The following TMPRSS7 variants were observed in gnomAD, a reference collection of about 807,000 sequenced individuals.
The protein encoded by TMPRSS7 is transmembrane serine protease 7.
In TMPRSS7, 81 loss-of-function variants were observed where a neutral mutation model predicts 95.6. That is an observed-to-expected ratio of 0.85 (90% CI 0.71 to 1.02). The LOEUF (loss-of-function observed/expected upper bound fraction) is 1.02, where lower values mean the gene tolerates loss of function less well. TMPRSS7 is among the 50% of genes least tolerant of loss of function. The pLI is 0.00. For missense variants in TMPRSS7, 945 were observed against 955.2 expected (o/e 0.99, Z 0.14); for synonymous variants, 364 against 337.8 (o/e 1.08, Z -0.85).
At chr3:112,080,787 A>G (rs2107767310) in intron 17 of TMPRSS7, 127 bp from the exon 18 acceptor site, 1 of 821,758 alleles carries the variant, frequency 1.2e-6, no homozygotes, top group East Asian at 2.9e-5. Flanking sequence ...CCCAAATTAC[A>G]GAGTGATTAG....
chr3:112,062,419 C>T lies in TMPRSS7; in HGVS notation c.1447+496C>T, dbSNP rs573511447. Among the ~76,000 whole-genome samples, 13 of 152,184 alleles carry T rather than the reference C, an allele frequency of 8.5e-5. No homozygotes were observed. The South Asian group carries it at 1.5e-3, about 17-fold the overall frequency. On this transcript the variant is annotated intron_variant, in intron 11 of 17. Coordinates refer to ENST00000452346, the Ensembl canonical transcript of TMPRSS7. ...TTCATACTGAAAACTACTGGAAGAG[C>T]GGCCAGGAAGTGCTCATCAGAAAAG...
At chr3:112,045,974 C>T in intron 5 of TMPRSS7, 31 bp downstream of exon 5, 1 of 1,520,392 alleles carries the variant, frequency 6.6e-7, no homozygotes, top group East Asian at 2.5e-5. Context: ...CTTTAGCATT[C>T]CTTCCTGCAG....
intron 10 of TMPRSS7, among the ~76,000 whole-genome samples, chr3:112,058,316 G>A (rs1048864286): frequency 1.3e-5 from 2 of 152,144 alleles, no homozygotes; most frequent in Admixed American, 1.3e-4. Flanking sequence ...TATTGTTTTG[G>A]GGAGTGTAAT....
chr3:112,079,350 C>T (rs2073750730), intron 17 of TMPRSS7, among the ~76,000 whole-genome samples: 1 of 152,144 alleles, frequency 6.6e-6, no homozygotes, highest in African/African-American at 2.4e-5. Context: ...TTTGGGGTGA[C>T]ATTTCTCGGA....
chr3:112,066,561 C>T (rs1343598918), intron 13 of TMPRSS7, 59 bp downstream of exon 13: 2 of 1,487,008 alleles, frequency 1.3e-6, no homozygotes, highest in South Asian at 1.1e-5. Context: ...TAAATCAGGA[C>T]AAAAATACCT....
At chr3:112,040,246 AC>A (rs1350540645) in intron 2 of TMPRSS7, among the ~76,000 whole-genome samples, 2 of 152,220 alleles carry the variant, frequency 1.3e-5, no homozygotes, top group African/African-American at 4.8e-5. Flanking sequence ...GGCATCAAAC[AC>A]ACCACGATGC....
At chr3:112,080,682 C>T (rs993755766) in intron 17 of TMPRSS7, among the ~76,000 whole-genome samples, 4 of 152,068 alleles carry the variant, frequency 2.6e-5, no homozygotes, top group Admixed American at 6.6e-5. Flanking sequence ...TATTCTTAGC[C>T]TAAAGAATCA....
chr3:112,038,040 T>G, intron 1 of TMPRSS7, 32 bp from the exon 2 acceptor site: 1 of 699,754 alleles, frequency 1.4e-6, no homozygotes. Flanking sequence ...CTACTTCTAC[T>G]TGGTAACATA....
exon 5 of TMPRSS7, chr3:112,045,879 A>C: frequency 6.4e-7 from 1 of 1,551,904 alleles, no homozygotes; most frequent in Non-Finnish European, 8.7e-7. Context: ...CAAGCATCAT[A>C]AACCGGACCT....
chr3:112,043,797 G>A (rs999606509), intron 3 of TMPRSS7, among the ~76,000 whole-genome samples: 7 of 152,146 alleles, frequency 4.6e-5, no homozygotes, highest in African/African-American at 1.7e-4. Context: ...GAAGGGGGCT[G>A]GTAGACCTGG....
At chr3:112,052,132 G>A (rs887637057) in intron 9 of TMPRSS7, among the ~76,000 whole-genome samples, 1 of 152,034 alleles carries the variant, frequency 6.6e-6, no homozygotes, top group Non-Finnish European at 1.5e-5. Flanking sequence ...GAAAAATAAA[G>A]CAGGGAAGGG....
intron 7 of TMPRSS7, among the ~76,000 whole-genome samples, 168 bp downstream of exon 7, chr3:112,048,135 C>T (rs1340844125): frequency 6.6e-6 from 1 of 152,130 alleles, no homozygotes; most frequent in East Asian, 1.9e-4. Flanking sequence ...TTAGTACCCT[C>T]GCCAGAGCCT....
At chr3:112,043,479 A>G (rs1178192058) in intron 3 of TMPRSS7, among the ~76,000 whole-genome samples, 2 of 152,198 alleles carry the variant, frequency 1.3e-5, no homozygotes, top group Non-Finnish European at 2.9e-5. Flanking sequence ...CTGCCTAAAC[A>G]GGTTTAGGCA....
Position 112,044,331 on chromosome 3 carries a change from T to G in TMPRSS7, c.497+9T>G. 6.5e-7 allele frequency: 1 copy of G among 1,549,522 alleles called. No individual in the cohort carries two copies. The highest frequency in any genetic ancestry group is 1.2e-5 in the South Asian group (1 of 84,018). On this transcript the variant is annotated intron_variant, in intron 4 of 17. Transcript: ENST00000452346. ...GTTGTTGCAGATGTCAGGTAATGCA[T>G]GTCCCTTGTTTTGAGATTTCTGTGT...
At chr3:112,064,260 G>A (rs992019156) in intron 12 of TMPRSS7, among the ~76,000 whole-genome samples, 5 of 152,226 alleles carry the variant, frequency 3.3e-5, no homozygotes, top group Non-Finnish European at 7.3e-5. Flanking sequence ...AGAATTTGCA[G>A]AGAAGTGCTC....
Position 112,061,777 on chromosome 3 carries a change from G to C in TMPRSS7, c.1311-10G>C. The C allele has an allele frequency of 6.3e-7, 1 of 1,593,498 alleles. No homozygotes were observed. The highest frequency in any genetic ancestry group is 2.3e-5 in the East Asian group (1 of 43,790). On this transcript the variant is annotated splice_polypyrimidine_tract_variant and intron_variant, in intron 10 of 17. Coordinates refer to ENST00000452346, the Ensembl canonical transcript of TMPRSS7. ...AAGCTGTGTATTCTCCCCGACTCTT[G>C]TCTCCCCAGGTACTGTGGCTCCTAC...
chr3:112,078,751 G>C lies in TMPRSS7; in HGVS notation c.2234G>C (p.Gly745Ala), dbSNP rs775396626. 162 of 1,613,964 alleles carry C rather than the reference G, an allele frequency of 1.0e-4. No homozygotes were observed. The highest frequency in any genetic ancestry group is 1.3e-4 in the Non-Finnish European group (152 of 1,180,022). ...CCAATGTGTTTTGCAGATAATAAAG[G>C]CTCCCTCGTTCTGCAGCAAGCGGAG... Residue 745 changes from glycine (G) to alanine (A), a missense_variant, in exon 17 of 18, where the codon GGC becomes GCC. Coordinates refer to ENST00000452346, the Ensembl canonical transcript of TMPRSS7.
At chr3:112,073,045 G>C (rs2073669734) in intron 13 of TMPRSS7, among the ~76,000 whole-genome samples, 1 of 150,458 alleles carries the variant, frequency 6.6e-6, no homozygotes, top group Non-Finnish European at 1.5e-5. Flanking sequence ...GTGTAAAAGT[G>C]TCCCTATTTC....
chr3:112,071,894 T>TC (rs200325776), intron 13 of TMPRSS7, among the ~76,000 whole-genome samples: 4,561 of 152,300 alleles, frequency 0.03, 191 homozygotes, highest in African/African-American at 0.088. Context: ...GGTTTGAACA[T>TC]CTCCTTTAGC....
Sources: allele counts gnomAD v4.1 joint callset (sites outside exome capture counted in the v4.1 genomes callset), GRCh38; gene constraint gnomAD v4.1.1; transcripts MANE v1.5; gene names NCBI Gene and HGNC (gene_info 2026-07-23, HGNC 2026-07-21).